Variants in TGM4 observed in about 807,000 individuals in gnomAD.
The protein encoded by TGM4 is transglutaminase 4.
TGM4 carries 61 observed loss-of-function variants against 76.3 expected under a neutral mutation model. The observed-to-expected ratio is 0.80, with a 90% CI of 0.65 to 0.99. The LOEUF (loss-of-function observed/expected upper bound fraction) is 0.99, where lower values mean the gene tolerates loss of function less well. Ranked by LOEUF, TGM4 falls within the 50% of genes least tolerant of loss-of-function variation. The pLI is 0.00. For missense variants in TGM4, 794 were observed against 843.2 expected (o/e 0.94, Z 0.72); for synonymous variants, 337 against 329.8 (o/e 1.02, Z -0.24).
intron 9 of TGM4, among the ~76,000 whole-genome samples, 180 bp from the exon 10 acceptor site, chr3:44,906,769 G>C (rs1699927176): frequency 6.6e-6 from 1 of 152,220 alleles, no homozygotes; most frequent in Non-Finnish European, 1.5e-5. Flanking sequence ...AGTCAAAGCT[G>C]AGATGTGCCC....
At position 44,887,747 on chromosome 3, in the gene TGM4, A is replaced by G. The variant is rs141542991; in HGVS notation, c.252A>G (p.Ser84=). ...TLVVLDPRTP[S]DHYNWQATLQ... ...TGGTGCTCGACCCGAGGACGCCCTCAGACCACTACAACTGGCAGGCAACCC... is the reference window on the plus strand; with the variant it reads ...TGGTGCTCGACCCGAGGACGCCCTCGGACCACTACAACTGGCAGGCAACCC... Residue 84 remains serine, a synonymous_variant, in exon 3 of 14, where the codon TCA becomes TCG. Transcript: ENST00000296125. 459 of 1,614,220 alleles carry G rather than the reference A, an allele frequency of 2.8e-4. 1 individual carries two copies. The East Asian group carries it at 7.9e-3, about 28-fold the overall frequency.
chr3:44,884,049 A>C (rs559351431), intron 1 of TGM4, among the ~76,000 whole-genome samples: 1 of 152,314 alleles, frequency 6.6e-6, no homozygotes, highest in East Asian at 1.9e-4. Context: ...TCATCAAGGA[A>C]GCTGCTGGAG....
rs1226490648 is a variant in TGM4, at chr3:44,901,545, G to C, written c.679G>C (p.Gly227Arg). The change falls in exon 7 of 14, where the codon GGC becomes CGC. Residue 227 changes from glycine (G) to arginine (R), a missense_variant. By Grantham distance (125) the Gly-to-Arg change is moderately radical (BLOSUM62 -2). Transcript: ENST00000296125. ...GCAGATGAGCTTTGAGAAAGGCCAG[G>C]GCGTGCTCATTGGGAATTGGACTGG... The part of the protein sequence containing the change: ...CAMMSFEKGQ[G>R]VLIGNWTGDY... 2 of 1,612,066 alleles carry C rather than the reference G, an allele frequency of 1.2e-6. No individual in the cohort carries two copies. Among genetic ancestry groups the C allele is most frequent in the Non-Finnish European group, 1.7e-6 (2 of 1,178,700 alleles).
At chr3:44,881,100 A>T (rs566308963) in intron 1 of TGM4, among the ~76,000 whole-genome samples, 1 of 150,714 alleles carries the variant, frequency 6.6e-6, no homozygotes, top group African/African-American at 2.5e-5. Flanking sequence ...GCTACTCTGG[A>T]GGCTGAAGTG....
chr3:44,910,309 C>T lies in TGM4; in HGVS notation c.1547C>T (p.Thr516Ile). 1 of 1,614,208 alleles carries T rather than the reference C, an allele frequency of 6.2e-7. No individual in the cohort carries two copies. Among genetic ancestry groups the T allele is most frequent in the Admixed American group, 1.7e-5 (1 of 60,030 alleles). ...GGCTCCTTTGAACTACAGTTGTACA[C>T]TGGCAAGAAGATGGCAAAACTGTGT... ...ILGSFELQLY[T>I]GKKMAKLCDL... is the part of the protein sequence containing the mutation. The change falls in exon 11 of 14, where the codon ACT (threonine) becomes ATT (isoleucine). Residue 516 changes from threonine (T) to isoleucine (I), a missense_variant. By Grantham distance (89) the Thr-to-Ile change is moderately conservative. Coordinates refer to ENST00000296125, the MANE Select transcript of TGM4 (RefSeq NM_003241.4).
At chr3:44,894,103 C>T (rs1699745344) in intron 5 of TGM4, among the ~76,000 whole-genome samples, 1 of 56,502 alleles carries the variant, frequency 1.8e-5, no homozygotes, top group Non-Finnish European at 3.5e-5. Context: ...CTCTCTTCCA[C>T]CCCCCACGGC....
At chr3:44,881,332 C>T (rs746578646) in intron 1 of TGM4, among the ~76,000 whole-genome samples, 2 of 152,168 alleles carry the variant, frequency 1.3e-5, no homozygotes, top group Non-Finnish European at 2.9e-5. Flanking sequence ...ATCAAACTGC[C>T]TTACCAGAAG....
intron 1 of TGM4, among the ~76,000 whole-genome samples, chr3:44,875,084 T>C (rs927085355): frequency 4.6e-5 from 7 of 152,212 alleles, no homozygotes; most frequent in African/African-American, 1.4e-4. Flanking sequence ...AATATTTTGG[T>C]GTGTATTTCC....
intron 2 of TGM4, among the ~76,000 whole-genome samples, chr3:44,886,484 G>C (rs1224054592): frequency 6.6e-6 from 1 of 152,174 alleles, no homozygotes; most frequent in Non-Finnish European, 1.5e-5. Flanking sequence ...AGTCAGAACA[G>C]CCTCCATTCC....
At position 44,910,211 on chromosome 3, in the gene TGM4, G is replaced by C; in HGVS notation, c.1449G>C (p.Leu483=). 6.2e-7 allele frequency: 1 copy of C among 1,614,198 alleles called. No homozygotes were observed. The highest frequency in any genetic ancestry group is 8.5e-7 in the Non-Finnish European group (1 of 1,180,032). Residue 483 remains leucine (L), a synonymous_variant, in exon 11 of 14, where the codon CTG becomes CTC. Coordinates refer to ENST00000296125, the MANE Select transcript of TGM4 (RefSeq NM_003241.4). ...TGTCGGTACAATCAGATGATGTGCTGCTGGGAAACTCTGTTAATTTCACCG... is the reference window on the plus strand; with the variant it reads ...TGTCGGTACAATCAGATGATGTGCTCCTGGGAAACTCTGTTAATTTCACCG... The part of the protein sequence containing the change: ...LHMSVQSDDV[L]LGNSVNFTVI...
At chr3:44,911,170 G>C (rs1700000574) in intron 12 of TGM4, 43 bp downstream of exon 12, 1 of 1,610,958 alleles carries the variant, frequency 6.2e-7, no homozygotes, top group Admixed American at 1.7e-5. Flanking sequence ...CTGCCTGGAA[G>C]TTGGCCATGG....
rs1048201890 is a variant in TGM4 at position 44,907,012 on chromosome 3, A to G, written c.1139A>G (p.Tyr380Cys). The part of the protein sequence containing the change: ...AIRKGDIFIV[Y>C]DTRFVFSEVN... The stretch of plus-strand genomic sequence containing the variant: ...CGCAAAGGTGACATCTTTATTGTCT[A>G]TGACACCAGATTCGTCTTCTCAGAA... Residue 380 changes from tyrosine to cysteine, a missense_variant, in exon 10 of 14, where the codon TAT becomes TGT. Physicochemically the swap from Tyr to Cys is radical, Grantham distance 194. Transcript: ENST00000296125. 12 of 1,614,026 alleles carry G rather than the reference A, an allele frequency of 7.4e-6. No individual in the cohort carries two copies. In the African/African-American group the frequency reaches 1.2e-4, roughly 16 times the overall value.
At chr3:44,878,578 G>C (rs1264461678) in intron 1 of TGM4, among the ~76,000 whole-genome samples, 1 of 151,562 alleles carries the variant, frequency 6.6e-6, no homozygotes, top group Non-Finnish European at 1.5e-5. Flanking sequence ...CAGTTCCCAG[G>C]TTCAAGCGAT....
intron 4 of TGM4, 149 bp downstream of exon 4, chr3:44,890,881 C>A: frequency 4.0e-6 from 4 of 1,000,348 alleles, no homozygotes; most frequent in East Asian, 2.6e-5. Context: ...TCACAGACAC[C>A]AATGGAGCGT....
At chr3:44,898,096 A>G (rs2135532) in intron 6 of TGM4, among the ~76,000 whole-genome samples, 47,463 of 151,968 alleles carry the variant, frequency 0.31, 8,697 homozygotes, top group East Asian at 0.82. Context: ...CCTGGCTAAC[A>G]TGGTGAAACC....
At chr3:44,879,445 TACAG>T (rs1197357211) in intron 1 of TGM4, among the ~76,000 whole-genome samples, 7 of 150,922 alleles carry the variant, frequency 4.6e-5, no homozygotes, top group Non-Finnish European at 7.4e-5. Flanking sequence ...TAGCTGGGAT[TACAG>T]GCATGTGCCA....
chr3:44,903,527 T>C (rs1190380039), intron 8 of TGM4: 1 of 214,834 alleles, frequency 4.7e-6, no homozygotes, highest in Non-Finnish European at 9.3e-6. Flanking sequence ...AGGTGTCTGT[T>C]ATGCTTCAAA....
At chr3:44,885,828 G>GC (rs1699599089) in intron 2 of TGM4, among the ~76,000 whole-genome samples, 1 of 152,180 alleles carries the variant, frequency 6.6e-6, no homozygotes, top group Non-Finnish European at 1.5e-5. Flanking sequence ...GTATGCTGAT[G>GC]CCATAGCGGG....
intron 1 of TGM4, among the ~76,000 whole-genome samples, chr3:44,877,482 G>A (rs1699465871): frequency 6.6e-6 from 1 of 151,836 alleles, no homozygotes; most frequent in East Asian, 1.9e-4. Context: ...GCCAGACATG[G>A]TGGTGCATAT....
Sources: allele counts gnomAD v4.1 joint callset (sites outside exome capture counted in the v4.1 genomes callset), GRCh38; gene constraint gnomAD v4.1.1; transcripts MANE v1.5; gene names NCBI Gene and HGNC (gene_info 2026-07-23, HGNC 2026-07-21).